NRG3: variants seen among roughly 807,000 people sequenced by gnomAD.
The protein encoded by NRG3 is pro-neuregulin-3, membrane-bound isoform.
NRG3 carries 31 observed loss-of-function variants against 66.9 expected under a neutral mutation model. The ratio of observed to expected loss-of-function variants is 0.46; its 90% CI spans 0.35 to 0.63. NRG3 has a LOEUF of 0.63. NRG3 is among the 20% of genes least tolerant of loss of function. NRG3 has a pLI of 0.00. For synonymous variants in NRG3, 393 were observed against 359.4 expected, an observed-to-expected ratio of 1.09 and a Z score of -1.06; for missense variants, 910 against 878.9, an observed-to-expected ratio of 1.04 and a Z score of -0.45.
intron 4 of NRG3, among the ~76,000 whole-genome samples, chr10:82,877,537 CTTTTTTTTTTTTT>C (rs61471998): frequency 1.3e-5 from 1 of 74,942 alleles, no homozygotes; most frequent in African/African-American, 5.8e-5. Context: ...CCACACCCGG[CTTTTTTTTTTTTT>C]TTTTTTTTTT....
intron 1 of NRG3, among the ~76,000 whole-genome samples, chr10:82,070,172 C>A (rs369513973): frequency 6.6e-6 from 1 of 152,136 alleles, no homozygotes; most frequent in African/African-American, 2.4e-5. Context: ...GGAAGCTTGA[C>A]TGATGGGACC....
At chr10:81,924,169 T>C (rs535350913) in intron 1 of NRG3, among the ~76,000 whole-genome samples, 5 of 152,254 alleles carry the variant, frequency 3.3e-5, no homozygotes, top group African/African-American at 1.2e-4. Context: ...GTGGTGACTA[T>C]AGGAGGCACA....
At chr10:82,662,030 A>G (rs1032827905) in intron 2 of NRG3, among the ~76,000 whole-genome samples, 1 of 152,188 alleles carries the variant, frequency 6.6e-6, no homozygotes, top group Non-Finnish European at 1.5e-5. Context: ...TGCCCTGATT[A>G]TAACAAGCCA....
At chr10:81,978,711 A>G (rs1312439958) in intron 1 of NRG3, among the ~76,000 whole-genome samples, 1 of 151,932 alleles carries the variant, frequency 6.6e-6, no homozygotes, top group Non-Finnish European at 1.5e-5. Context: ...ATATATTTGC[A>G]TCTTTCTTTT....
intron 1 of NRG3, among the ~76,000 whole-genome samples, chr10:81,959,711 A>G (rs1850175258): frequency 1.3e-5 from 2 of 152,006 alleles, no homozygotes; most frequent in Non-Finnish European, 2.9e-5. Context: ...TGTGAAAATT[A>G]TGCATTCTAG....
In NRG3 at chr10:82,558,605, G is replaced by A. The variant is rs551893773; in HGVS notation, c.954-179972G>A. On this transcript the variant is annotated intron_variant, in intron 2 of 8. Transcript: ENST00000372141. ...AATTGCAGACAAATCAGGAAGAATG[G>A]GATAAACTATCTGAAGTCTACCTGA... Among the ~76,000 whole-genome samples the A allele has an allele frequency of 5.4e-5, 8 of 148,760 alleles. No homozygotes were observed. In the South Asian group the frequency reaches 1.5e-3, roughly 28 times the overall value.
chr10:82,698,610 A>T (rs557710563), intron 2 of NRG3, among the ~76,000 whole-genome samples: 10 of 152,272 alleles, frequency 6.6e-5, no homozygotes, highest in Admixed American at 2.6e-4. Context: ...CTTCAGTCAG[A>T]CTCAGATTCA....
chr10:82,220,309 A>G lies in NRG3; in HGVS notation c.824-138430A>G, dbSNP rs75515261. On this transcript the variant is annotated intron_variant, in intron 1 of 8. Transcript: ENST00000372141. ...AACAATACAGACCATATTTTCAGGG[A>G]TATAGCAACTAAAAGGTCTTAGGAA... Among the ~76,000 whole-genome samples, 846 of 152,218 alleles carry G rather than the reference A, an allele frequency of 5.6e-3. 7 individuals carry two copies. The highest frequency in any genetic ancestry group is 0.019 in the African/African-American group (805 of 41,530).
At chr10:81,976,320 G>T (rs1450964583) in intron 1 of NRG3, among the ~76,000 whole-genome samples, 1 of 152,072 alleles carries the variant, frequency 6.6e-6, no homozygotes, top group East Asian at 1.9e-4. Flanking sequence ...GCTGGAATGT[G>T]GGCACTGCAC....
At chr10:82,718,331 G>T (rs952765994) in intron 2 of NRG3, among the ~76,000 whole-genome samples, 7 of 152,108 alleles carry the variant, frequency 4.6e-5, no homozygotes, top group Admixed American at 2.6e-4. Context: ...AGAGGTTTCT[G>T]TTGTGGTTTC....
chr10:82,428,819 A>G (rs533440768), intron 2 of NRG3, among the ~76,000 whole-genome samples: 1 of 152,056 alleles, frequency 6.6e-6, no homozygotes, highest in African/African-American at 2.4e-5. Context: ...AAAATATCCA[A>G]CTATTAGGGC....
intron 2 of NRG3, among the ~76,000 whole-genome samples, chr10:82,457,719 G>C (rs575453083): frequency 6.6e-6 from 1 of 152,222 alleles, no homozygotes; most frequent in South Asian, 2.1e-4. Context: ...GCACACACTG[G>C]GAGCACAGAA....
At chr10:82,608,347 T>A (rs917338894) in intron 2 of NRG3, among the ~76,000 whole-genome samples, 2 of 152,196 alleles carry the variant, frequency 1.3e-5, no homozygotes, top group African/African-American at 4.8e-5. Flanking sequence ...TTTCTCTTTG[T>A]GTTTAACCTC....
intron 1 of NRG3, among the ~76,000 whole-genome samples, chr10:82,275,320 C>T (rs893539791): frequency 2.0e-5 from 3 of 151,894 alleles, no homozygotes; most frequent in East Asian, 3.9e-4. Flanking sequence ...ATTTTGTAAA[C>T]GTTTACCTTG....
chr10:82,276,455 A>G (rs1201844731), intron 1 of NRG3, among the ~76,000 whole-genome samples: 1 of 152,040 alleles, frequency 6.6e-6, no homozygotes, highest in African/African-American at 2.4e-5. Context: ...TAATTGGCTG[A>G]CATGTTTATA....
At chr10:82,025,409 G>T (rs2062254821) in intron 1 of NRG3, among the ~76,000 whole-genome samples, 1 of 143,880 alleles carries the variant, frequency 7.0e-6, no homozygotes, top group African/African-American at 2.9e-5. Flanking sequence ...TTCTACTTTG[G>T]AACATGAGTA....
chr10:82,661,904 T>A (rs2052390689), intron 2 of NRG3, among the ~76,000 whole-genome samples: 1 of 152,206 alleles, frequency 6.6e-6, no homozygotes, highest in South Asian at 2.1e-4. Context: ...ATGCCTTTGA[T>A]CTAACAAACT....
At chr10:82,818,780 G>T (rs772972241) in intron 3 of NRG3, among the ~76,000 whole-genome samples, 1 of 152,074 alleles carries the variant, frequency 6.6e-6, no homozygotes, top group Non-Finnish European at 1.5e-5. Flanking sequence ...GTCTCCCAAC[G>T]CATCACACCT....
At chr10:82,658,847 T>C (rs1354466501) in intron 2 of NRG3, among the ~76,000 whole-genome samples, 1 of 152,204 alleles carries the variant, frequency 6.6e-6, no homozygotes, top group Non-Finnish European at 1.5e-5. Flanking sequence ...TAGATAAAAC[T>C]GTTAAGGGAT....
Sources: allele counts gnomAD v4.1 joint callset (sites outside exome capture counted in the v4.1 genomes callset), GRCh38; gene constraint gnomAD v4.1.1; transcripts MANE v1.5; gene names NCBI Gene and HGNC (gene_info 2026-07-23, HGNC 2026-07-21).